Variants in CNBD1 observed in about 807,000 individuals in gnomAD.
The protein encoded by CNBD1 is cyclic nucleotide-binding domain-containing protein 1.
A neutral mutation model predicts 54.4 loss-of-function variants in CNBD1; 71 were observed. The ratio of observed to expected loss-of-function variants is 1.30; its 90% CI spans 1.08 to 1.59. The LOEUF (loss-of-function observed/expected upper bound fraction) is 1.59. Ranked by LOEUF, CNBD1 falls within the 40% of genes most tolerant of loss-of-function variation. CNBD1 has a pLI of 0.00. For synonymous variants in CNBD1, 182 were observed against 170.7 expected (o/e 1.07, Z -0.51); for missense variants, 659 against 518.0 (o/e 1.27, Z -2.64).
chr8:87,006,660 A>G (rs867333189), intron 4 of CNBD1, among the ~76,000 whole-genome samples: 4 of 152,176 alleles, frequency 2.6e-5, no homozygotes, highest in Non-Finnish European at 2.9e-5. Context: ...CTCACCAGGT[A>G]TCATGAAGCA....
At chr8:87,374,763 A>G (rs1563575826) in intron 10 of CNBD1, among the ~76,000 whole-genome samples, 1 of 151,852 alleles carries the variant, frequency 6.6e-6, no homozygotes, top group Non-Finnish European at 1.5e-5. Flanking sequence ...GCATCACGTG[A>G]TGATGAGAAC....
chr8:86,937,712 T>C (rs1003992261), intron 3 of CNBD1, among the ~76,000 whole-genome samples: 2 of 144,018 alleles, frequency 1.4e-5, no homozygotes, highest in African/African-American at 2.5e-5. Flanking sequence ...GCAGCAAGGC[T>C]CTGGGCGAGA....
chr8:87,338,615 CTTTG>C (rs1810002069), intron 8 of CNBD1, among the ~76,000 whole-genome samples: 1 of 126,462 alleles, frequency 7.9e-6, no homozygotes. Flanking sequence ...TTCATTTTTT[CTTTG>C]TTTTTTTTTT....
At chr8:86,953,106 A>C (rs940452742) in intron 4 of CNBD1, among the ~76,000 whole-genome samples, 1 of 152,186 alleles carries the variant, frequency 6.6e-6, no homozygotes, top group African/African-American at 2.4e-5. Context: ...CACTGTATGA[A>C]TATACCATAG....
At position 87,277,404 on chromosome 8, in the gene CNBD1, C is replaced by T. The variant is rs77550150; in HGVS notation, c.772-7274C>T. On this transcript the variant is annotated intron_variant, in intron 6 of 10. Transcript: ENST00000518476. ...AATGTTAATCTTTACCAATTTAAAT[C>T]AGAACTCATCCAAAGACATCTCCAG... Among the ~76,000 whole-genome samples, 400 of 151,840 alleles carry T rather than the reference C, an allele frequency of 2.6e-3. 1 individual carries two copies. Among genetic ancestry groups the T allele is most frequent in the African/African-American group, 9.3e-3 (385 of 41,482 alleles).
intron 5 of CNBD1, among the ~76,000 whole-genome samples, chr8:87,216,311 A>C (rs1814210527): frequency 6.6e-6 from 1 of 152,182 alleles, no homozygotes; most frequent in Admixed American, 6.5e-5. Flanking sequence ...CTTTCTGTGA[A>C]ATGATTTAAA....
chr8:87,399,915 T>C (rs1403699328), intron 2 of CNBD1, among the ~76,000 whole-genome samples: 1 of 151,946 alleles, frequency 6.6e-6, no homozygotes, highest in East Asian at 1.9e-4. Context: ...CATTTTTTTT[T>C]CCTAAGGAGA....
In CNBD1 at chr8:86,991,426, TAGTG is replaced by T. The variant is rs1438219790; in HGVS notation, c.431+51673_431+51676del. On this transcript the variant is annotated intron_variant, in intron 4 of 10. Transcript: ENST00000518476. ...TCTCTCTCTCTTTTGTTAATCTAGT[TAGTG>T]CTCTGCCAATCTTATTCATTCTGTT... Among the ~76,000 whole-genome samples the T allele has an allele frequency of 9.2e-5, 14 of 152,186 alleles. No homozygotes were observed. In the East Asian group the frequency reaches 2.5e-3, roughly 27 times the overall value.
At chr8:86,882,004 C>A (rs746474599) in intron 1 of CNBD1, among the ~76,000 whole-genome samples, 2 of 152,004 alleles carry the variant, frequency 1.3e-5, no homozygotes, top group Non-Finnish European at 2.9e-5. Flanking sequence ...AAGTGGACCC[C>A]TTTTTTACAC....
chr8:87,283,623 A>T (rs191821387), intron 6 of CNBD1, among the ~76,000 whole-genome samples: 21 of 152,178 alleles, frequency 1.4e-4, no homozygotes, highest in African/African-American at 5.1e-4. Context: ...ATTTTCTAAC[A>T]ATTCTGTCCA....
intron 4 of CNBD1, among the ~76,000 whole-genome samples, chr8:87,034,888 G>T (rs1213032353): frequency 6.6e-6 from 1 of 152,040 alleles, no homozygotes; most frequent in Non-Finnish European, 1.5e-5. Flanking sequence ...ATGCGACCTT[G>T]TAATTCAGAT....
chr8:87,043,963 A>C (rs184288865), intron 4 of CNBD1, among the ~76,000 whole-genome samples: 1 of 152,022 alleles, frequency 6.6e-6, no homozygotes, highest in Non-Finnish European at 1.5e-5. Context: ...TCTACCTTGG[A>C]CTTTATTGCT....
At chr8:87,359,147 C>T (rs1810482150) in intron 10 of CNBD1, among the ~76,000 whole-genome samples, 1 of 152,126 alleles carries the variant, frequency 6.6e-6, no homozygotes, top group African/African-American at 2.4e-5. Flanking sequence ...AATAGAATCT[C>T]CTTTGTCATC....
At chr8:87,353,600 G>A in intron 9 of CNBD1, 36 bp from the exon 10 acceptor site, 2 of 1,370,228 alleles carry the variant, frequency 1.5e-6, no homozygotes, top group Non-Finnish European at 2.0e-6. Context: ...TATGGAAGCA[G>A]TTGCATTAAA....
At chr8:87,154,226 G>A (rs1056528124) in intron 4 of CNBD1, among the ~76,000 whole-genome samples, 1 of 152,148 alleles carries the variant, frequency 6.6e-6, no homozygotes, top group Non-Finnish European at 1.5e-5. Context: ...TGAAATAAAA[G>A]GATGACAGTA....
intron 10 of CNBD1, among the ~76,000 whole-genome samples, chr8:87,375,250 A>C (rs1457110202): frequency 1.3e-5 from 2 of 151,916 alleles, no homozygotes; most frequent in African/African-American, 2.4e-5. Context: ...TTTTAAAAAC[A>C]GCTGATAGTT....
chr8:87,069,484 T>A (rs902274982), intron 4 of CNBD1, among the ~76,000 whole-genome samples: 10 of 152,110 alleles, frequency 6.6e-5, no homozygotes, highest in African/African-American at 2.2e-4. Context: ...AGTAACATGA[T>A]ATACAGGTTT....
intron 4 of CNBD1, among the ~76,000 whole-genome samples, chr8:87,097,291 T>C (rs1811340099): frequency 6.6e-6 from 1 of 152,166 alleles, no homozygotes; most frequent in African/African-American, 2.4e-5. Context: ...AAAATGAATC[T>C]AAGGACTGGA....
At chr8:87,218,964 T>G (rs1452709593) in intron 5 of CNBD1, among the ~76,000 whole-genome samples, 1 of 151,976 alleles carries the variant, frequency 6.6e-6, no homozygotes, top group Admixed American at 6.6e-5. Flanking sequence ...AGATAACAAA[T>G]GAAATCCTTT....
Sources: allele counts gnomAD v4.1 joint callset (sites outside exome capture counted in the v4.1 genomes callset), GRCh38; gene constraint gnomAD v4.1.1; transcripts MANE v1.5; gene names NCBI Gene and HGNC (gene_info 2026-07-23, HGNC 2026-07-21).